MYO1B: variants seen among roughly 807,000 people sequenced by gnomAD.
MYO1B encodes the protein myosin IB, also known as unconventional myosin-Ib.
MYO1B carries 72 observed loss-of-function variants against 159.7 expected under a neutral mutation model. The ratio of observed to expected loss-of-function variants is 0.45; its 90% confidence interval spans 0.37 to 0.55. MYO1B has a LOEUF of 0.55. Ranked by LOEUF, MYO1B falls within the 20% of genes least tolerant of loss-of-function variation. The probability of loss-of-function intolerance (pLI) is 0.00; values close to 1 mark genes in which losing one functional copy is unlikely to be tolerated. For missense variants in MYO1B, 1,062 were observed against 1,364.8 expected (o/e 0.78, Z 3.50); for synonymous variants, 468 against 473.8 (o/e 0.99, Z 0.16).
chr2:191,341,637 C>A, intron 5 of MYO1B, 72 bp downstream of exon 5: 1 of 1,205,818 alleles, frequency 8.3e-7, no homozygotes, highest in Non-Finnish European at 1.2e-6. Context: ...GCTTTGAGTA[C>A]CTGGTCTGCT....
chr2:191,257,177 C>G (rs148172451), intron 1 of MYO1B, among the ~76,000 whole-genome samples: 1 of 152,086 alleles, frequency 6.6e-6, no homozygotes, highest in African/African-American at 2.4e-5. Context: ...GTAAATATAA[C>G]TTTTCACTCT....
intron 4 of MYO1B, among the ~76,000 whole-genome samples, chr2:191,334,482 A>G (rs1423667561): frequency 6.6e-6 from 1 of 152,164 alleles, no homozygotes; most frequent in Non-Finnish European, 1.5e-5. Flanking sequence ...TAGTAGTAAA[A>G]TGGAGTTCAT....
chr2:191,339,646 G>C (rs1692085349), intron 4 of MYO1B, among the ~76,000 whole-genome samples: 1 of 152,190 alleles, frequency 6.6e-6, no homozygotes, highest in African/African-American at 2.4e-5. Context: ...AAATTGGAGA[G>C]AGTTACCTCC....
At chr2:191,264,635 G>A (rs1186572717) in intron 1 of MYO1B, among the ~76,000 whole-genome samples, 1 of 152,062 alleles carries the variant, frequency 6.6e-6, no homozygotes, top group African/African-American at 2.4e-5. Context: ...TTTCTGTGCT[G>A]TGTATGGTTG....
intron 7 of MYO1B, among the ~76,000 whole-genome samples, chr2:191,360,337 A>G (rs1409569823): frequency 6.6e-6 from 1 of 152,224 alleles, no homozygotes; most frequent in Non-Finnish European, 1.5e-5. Flanking sequence ...TCAGGAATTT[A>G]ATGTCATCAT....
rs917102272 is a variant in MYO1B at position 191,425,124 on chromosome 2, A to G, written c.*1164A>G. On this transcript the variant is annotated 3_prime_UTR_variant, in exon 31 of 31. Coordinates refer to ENST00000392318, the MANE Select transcript of MYO1B (RefSeq NM_001130158.3). Reference sequence around the variant, plus strand: ...GGGAGGATAATGTATATACATTGGTATTATGTTAAATAATAAAATTGTTCT... The same window carrying G: ...GGGAGGATAATGTATATACATTGGTGTTATGTTAAATAATAAAATTGTTCT... 1 of 151,908 alleles carries G rather than the reference A, an allele frequency of 6.6e-6. No individual in the cohort carries two copies. The highest frequency in any genetic ancestry group is 1.5e-5 in the Non-Finnish European group (1 of 67,932). The allele number at this position is 151,908 out of a possible 1,614,324, so 9.4% of individuals were successfully genotyped here.
chr2:191,277,127 C>G, intron 2 of MYO1B, 97 bp downstream of exon 2: 2 of 1,433,844 alleles, frequency 1.4e-6, no homozygotes, highest in Non-Finnish European at 1.9e-6. Flanking sequence ...TTTTTTCTCT[C>G]TGTTTGAGTC....
rs1193667682 is a variant in MYO1B at position 191,390,470 on chromosome 2, C to T, written c.1960C>T (p.Pro654Ser). The T allele has an allele frequency of 6.2e-7, 1 of 1,613,960 alleles. No homozygotes were observed. The highest frequency in any genetic ancestry group is 8.5e-7 in the Non-Finnish European group (1 of 1,179,958). The change falls in exon 18 of 31, where the codon CCT (proline) becomes TCT (serine). Residue 654 changes from proline (P) to serine (S), a missense_variant. Transcript: ENST00000392318. ...CAAAATGCTTTGTAAACAAACATGG[C>T]CTCATTGGAAAGGACCAGCCAGGTA... ...RYKMLCKQTW[P>S]HWKGPARSGV...
intron 3 of MYO1B, among the ~76,000 whole-genome samples, chr2:191,305,116 A>G (rs1391328276): frequency 1.3e-5 from 2 of 152,346 alleles, no homozygotes; most frequent in East Asian, 3.9e-4. Context: ...CATCCCTGAC[A>G]GAGAGAGCCA....
In MYO1B at chr2:191,345,600, G is replaced by A. The variant is rs910074358; in HGVS notation, c.452-636G>A. ...TGGAACATTTGTATTTTGCATTATG[G>A]GCCAAATTGTTTTTCTTTGTTGTCT... On this transcript the variant is annotated intron_variant, in intron 5 of 30. Transcript: ENST00000392318. 2.0e-5 allele frequency among the ~76,000 whole-genome samples: 3 copies of A among 152,074 alleles called. No individual in the cohort carries two copies. The South Asian group carries it at 6.2e-4, about 32-fold the overall frequency.
chr2:191,416,642 C>G (rs192188909), intron 30 of MYO1B: 2 of 156,920 alleles, frequency 1.3e-5, no homozygotes, highest in Non-Finnish European at 2.8e-5. Context: ...GTGAAACCGT[C>G]TCTACTTAAA....
At chr2:191,385,178 T>C (rs529621034) in intron 15 of MYO1B, among the ~76,000 whole-genome samples, 1 of 152,220 alleles carries the variant, frequency 6.6e-6, no homozygotes, top group Non-Finnish European at 1.5e-5. Context: ...TGATTCAGTT[T>C]AGGGCTGACT....
Position 191,390,445 on chromosome 2 carries a change from C to T in MYO1B, c.1935C>T (p.Tyr645=). 3 of 1,614,150 alleles carry T rather than the reference C, an allele frequency of 1.9e-6. No homozygotes were observed. The highest frequency in any genetic ancestry group is 2.5e-6 in the Non-Finnish European group (3 of 1,180,014). ...CCTATGAACCTTGCCTAGAAAGATA[C>T]AAAATGCTTTGTAAACAAACATGGC... is the stretch of plus-strand genomic sequence containing the variant. ...RQAYEPCLER[Y]KMLCKQTWPH... is the part of the protein sequence containing the mutation. Residue 645 remains tyrosine (Y), a synonymous_variant, in exon 18 of 31, where the codon TAC becomes TAT. Transcript: ENST00000392318.
intron 21 of MYO1B, among the ~76,000 whole-genome samples, chr2:191,398,874 C>A (rs1307754148): frequency 6.6e-6 from 1 of 152,216 alleles, no homozygotes; most frequent in East Asian, 1.9e-4. Context: ...GGCGGCCGGG[C>A]AGAGGCTGTA....
At chr2:191,258,058 A>T (rs192941654) in intron 1 of MYO1B, among the ~76,000 whole-genome samples, 1 of 152,216 alleles carries the variant, frequency 6.6e-6, no homozygotes, top group South Asian at 2.1e-4. Context: ...TAGAACCAAT[A>T]TATGTATCGC....
At chr2:191,406,798 T>A (rs1696943374) in intron 24 of MYO1B, among the ~76,000 whole-genome samples, 1 of 152,210 alleles carries the variant, frequency 6.6e-6, no homozygotes, top group Admixed American at 6.5e-5. Flanking sequence ...GCCACAAACC[T>A]TCAATTTGTA....
chr2:191,262,656 G>A (rs1423581176), intron 1 of MYO1B, among the ~76,000 whole-genome samples: 1 of 151,578 alleles, frequency 6.6e-6, no homozygotes, highest in Non-Finnish European at 1.5e-5. Context: ...ACACCTGTGA[G>A]CTCCTTAGGT....
chr2:191,332,857 C>T (rs957225299), intron 4 of MYO1B, among the ~76,000 whole-genome samples: 1 of 152,102 alleles, frequency 6.6e-6, no homozygotes, highest in Non-Finnish European at 1.5e-5. Context: ...ACTACTTTGC[C>T]CATGTTGGTA....
At chr2:191,301,916 C>G (rs1365988120) in intron 3 of MYO1B, among the ~76,000 whole-genome samples, 1 of 152,180 alleles carries the variant, frequency 6.6e-6, no homozygotes, top group East Asian at 1.9e-4. Context: ...TCCTAGAAAC[C>G]TTCATGGGCT....
Sources: allele counts gnomAD v4.1 joint callset (sites outside exome capture counted in the v4.1 genomes callset), GRCh38; gene constraint gnomAD v4.1.1; transcripts MANE v1.5; gene names NCBI Gene and HGNC (gene_info 2026-07-23, HGNC 2026-07-21).